The following RNF150 variants were observed in gnomAD, a reference collection of about 807,000 sequenced individuals.
The protein encoded by RNF150 is ring finger protein 150.
RNF150 carries 24 observed loss-of-function variants against 39.3 expected under a neutral mutation model. That is an observed-to-expected ratio of 0.61 (90% CI 0.44 to 0.86). RNF150 has a LOEUF of 0.86. Ranked by LOEUF, RNF150 falls within the 40% of genes least tolerant of loss-of-function variation. RNF150 has a pLI of 0.00. For synonymous variants in RNF150, 255 were observed against 227.3 expected (o/e 1.12, Z -1.10); for missense variants, 502 against 587.8 (o/e 0.85, Z 1.51).
At chr4:141,053,656 TA>T in intron 1 of RNF150, 1 of 1,341,248 alleles carries the variant, frequency 7.5e-7, no homozygotes, top group Non-Finnish European at 9.6e-7. Context: ...TTTTAGAGGC[TA>T]AAGCATACCT....
intron 1 of RNF150, among the ~76,000 whole-genome samples, chr4:141,185,482 C>A (rs532459640): frequency 1.8e-3 from 273 of 152,272 alleles, no homozygotes; most frequent in Non-Finnish European, 1.7e-3. Flanking sequence ...CAAACAGAGA[C>A]AATTTAACTT....
intron 1 of RNF150, among the ~76,000 whole-genome samples, chr4:141,062,536 C>T (rs1206825407): frequency 6.6e-6 from 1 of 151,918 alleles, no homozygotes; most frequent in Admixed American, 6.6e-5. Flanking sequence ...TAGTTTAATA[C>T]ACAATAGTGT....
intron 6 of RNF150, among the ~76,000 whole-genome samples, chr4:140,870,456 A>G (rs1008517880): frequency 2.6e-4 from 39 of 147,816 alleles, no homozygotes; most frequent in African/African-American, 8.4e-4. Flanking sequence ...TTGTGCGTGT[A>G]TGTGTGTGTG....
At chr4:140,877,197 T>C (rs1729188957) in intron 6 of RNF150, among the ~76,000 whole-genome samples, 1 of 152,346 alleles carries the variant, frequency 6.6e-6, no homozygotes, top group South Asian at 2.1e-4. Context: ...TGGCAGTTCA[T>C]TCATTGAGTC....
At chr4:141,166,175 T>C (rs1006669979) in intron 1 of RNF150, among the ~76,000 whole-genome samples, 4 of 152,134 alleles carry the variant, frequency 2.6e-5, no homozygotes, top group Admixed American at 2.0e-4. Context: ...TAAACACCTC[T>C]ATGCAAATAA....
At position 141,132,427 on chromosome 4, in the gene RNF150, A is replaced by T; in HGVS notation, c.382T>A (p.Tyr128Asn). The stretch of plus-strand genomic sequence containing the variant: ...AACGCGTTCCGGATCTTATCCCTGT[A>T]CGTGCAGTTGCCCTTGGGGATGAGG... ...IALIPKGNCT[Y>N]RDKIRNAFLQ... Residue 128 changes from tyrosine (Y) to asparagine (N), a missense_variant, in exon 1 of 7, where the codon TAC (tyrosine) becomes AAC (asparagine). Transcript: ENST00000515673. This position sits in a 1 kb window ranked among gnomAD's most constrained non-coding sequence, Gnocchi z 4.9. 2 of 1,610,106 alleles carry T rather than the reference A, an allele frequency of 1.2e-6. No individual in the cohort carries two copies. The highest frequency in any genetic ancestry group is 1.7e-6 in the Non-Finnish European group (2 of 1,178,716).
chr4:141,127,587 T>C (rs1034744196), intron 1 of RNF150, among the ~76,000 whole-genome samples: 3 of 152,262 alleles, frequency 2.0e-5, no homozygotes, highest in East Asian at 1.9e-4. Flanking sequence ...AGAGCCTCAG[T>C]AGATCTACTA....
At position 141,193,688 on chromosome 4, in the gene RNF150, A is replaced by C. The variant is rs560087632; in HGVS notation, c.-6+19106T>G. Among the ~76,000 whole-genome samples, 80 of 152,314 alleles carry C rather than the reference A, an allele frequency of 5.3e-4. 2 individuals carry two copies. The South Asian group carries it at 0.016, about 31-fold the overall frequency. ...GGAACGACAGCAGCCAGCTTCACCA[A>C]ATGTGGCACAATAGAGCAGGATGTG... is the stretch of plus-strand genomic sequence containing the variant. On this transcript the variant is annotated intron_variant, in intron 1 of 7. Transcript: ENST00000420921.
intron 1 of RNF150, among the ~76,000 whole-genome samples, chr4:141,166,191 G>A (rs185605203): frequency 0.02 from 3,098 of 151,964 alleles, 117 homozygotes; most frequent in African/African-American, 0.071. Context: ...AATAAACTAG[G>A]AAATCTAGAA....
At position 141,132,174 on chromosome 4, in the gene RNF150, C is replaced by T; in HGVS notation, c.484+151G>A. The T allele has an allele frequency of 2.6e-6, 2 of 783,136 alleles. No individual in the cohort carries two copies. The highest frequency in any genetic ancestry group is 4.1e-6 in the Non-Finnish European group (2 of 492,694). The allele number at this position is 783,136 out of a possible 1,614,324, so 48.5% of individuals were successfully genotyped here. A position where few individuals can be genotyped will look rare whatever the true frequency, so the allele number is the denominator to read the frequency against. ...TCCTCTTTGTAAACCCCCCAAGTGA[C>T]GCGGAGCAAAACTTAATCGGTCCAG... On this transcript the variant is annotated intron_variant, in intron 1 of 6. Coordinates refer to ENST00000515673, the MANE Select transcript of RNF150 (RefSeq NM_020724.2). This position sits in a 1 kb window ranked among gnomAD's most constrained non-coding sequence, Gnocchi z 4.9.
At chr4:141,115,990 C>T (rs1390277481) in intron 1 of RNF150, among the ~76,000 whole-genome samples, 2 of 152,138 alleles carry the variant, frequency 1.3e-5, no homozygotes, top group African/African-American at 2.4e-5. Flanking sequence ...CAAAAATTAA[C>T]TCAAGATGGA....
chr4:141,132,212 C>T lies in RNF150; in HGVS notation c.484+113G>A. 1 of 1,117,272 alleles carries T rather than the reference C, an allele frequency of 9.0e-7. No individual in the cohort carries two copies. The highest frequency in any genetic ancestry group is 1.3e-6 in the Non-Finnish European group (1 of 783,170). 69.2% of individuals were successfully genotyped at this position (1,117,272 alleles called of 1,614,324 possible). A position where few individuals can be genotyped will look rare whatever the true frequency, so the allele number is the denominator to read the frequency against. On this transcript the variant is annotated intron_variant, in intron 1 of 6. Coordinates refer to ENST00000515673, the MANE Select transcript of RNF150 (RefSeq NM_020724.2). This position sits in a 1 kb window ranked among gnomAD's most constrained non-coding sequence, Gnocchi z 4.9. ...TTAATCGGTCCAGGGAACCCAGACA[C>T]GTCTTCCGCGCCGCACGGACTTCCC...
chr4:141,088,834 T>C (rs1430694118), intron 1 of RNF150, among the ~76,000 whole-genome samples: 2 of 152,124 alleles, frequency 1.3e-5, no homozygotes, highest in Non-Finnish European at 2.9e-5. Context: ...CACACTTACA[T>C]GTCCAGAACC....
chr4:140,889,465 A>G (rs1379989433), intron 6 of RNF150, among the ~76,000 whole-genome samples: 3 of 152,160 alleles, frequency 2.0e-5, no homozygotes, highest in East Asian at 1.9e-4. Flanking sequence ...ATGTTTTTCT[A>G]TACACATTCC....
At chr4:140,914,964 A>G (rs1730757019) in intron 5 of RNF150, among the ~76,000 whole-genome samples, 1 of 152,252 alleles carries the variant, frequency 6.6e-6, no homozygotes, top group South Asian at 2.1e-4. Flanking sequence ...AAACAAAAAC[A>G]AAACAAAAAA....
intron 2 of RNF150, among the ~76,000 whole-genome samples, chr4:140,966,382 A>T (rs1001369399): frequency 2.6e-5 from 4 of 152,098 alleles, no homozygotes; most frequent in African/African-American, 7.2e-5. Context: ...GTAAAAACCA[A>T]AAATTTCTGC....
Position 140,863,425 on chromosome 4 carries a change from G to C in RNF150, c.*4836C>G, listed in dbSNP as rs897990687. 2.0e-5 allele frequency: 3 copies of C among 152,170 alleles called. No homozygotes were observed. Among genetic ancestry groups the C allele is most frequent in the Admixed American group, 6.5e-5 (1 of 15,288 alleles). 9.4% of individuals were successfully genotyped at this position (152,170 alleles called of 1,614,324 possible). The stretch of plus-strand genomic sequence containing the variant: ...GGAGGACATTGGTTTATAGTAAACA[G>C]GTTTGCCTCATCAGAAGTGAATATG... On this transcript the variant is annotated 3_prime_UTR_variant, in exon 7 of 7. Coordinates refer to ENST00000515673, the MANE Select transcript of RNF150 (RefSeq NM_020724.2).
intron 1 of RNF150, among the ~76,000 whole-genome samples, chr4:141,015,700 A>G (rs1046531438): frequency 3.9e-5 from 6 of 152,160 alleles, no homozygotes; most frequent in Admixed American, 2.6e-4. Flanking sequence ...CAGCAAATAG[A>G]GACAATTTTC....
intron 2 of RNF150, among the ~76,000 whole-genome samples, chr4:140,962,270 T>C (rs1393869715): frequency 6.6e-6 from 1 of 151,972 alleles, no homozygotes; most frequent in Non-Finnish European, 1.5e-5. Context: ...TGTGTGACTA[T>C]TTAAATTTAA....
Sources: gnomAD v4.1 joint callset for allele counts (sites outside exome capture counted in the v4.1 genomes callset) on GRCh38, gnomAD v4.1.1 for gene constraint, Gnocchi (gnomAD v3.1) non-coding constraint, MANE v1.5 for transcripts, NCBI Gene and HGNC (gene_info 2026-07-23, HGNC 2026-07-21) for gene names.